The following UBTD1 variants were observed in gnomAD, a reference collection of about 807,000 sequenced individuals.
UBTD1 encodes ubiquitin domain containing 1.
A neutral mutation model predicts 21.7 loss-of-function variants in UBTD1; 19 were observed. The observed-to-expected ratio is 0.87, with a 90% CI of 0.61 to 1.28. UBTD1 has a LOEUF of 1.28. Ranked by LOEUF, UBTD1 falls within the 50% of genes most tolerant of loss-of-function variation. The pLI is 0.00. For missense variants in UBTD1, 282 were observed against 315.1 expected, an observed-to-expected ratio of 0.89 and a Z score of 0.80; for synonymous variants, 116 against 135.1, an observed-to-expected ratio of 0.86 and a Z score of 0.98.
intron 1 of UBTD1, among the ~76,000 whole-genome samples, chr10:97,537,754 A>C (rs1446898645): frequency 6.6e-6 from 1 of 151,572 alleles, no homozygotes. Context: ...AGCTCCCTCC[A>C]TCCCCTGCAG....
intron 1 of UBTD1, among the ~76,000 whole-genome samples, chr10:97,528,088 ACCTC>A (rs2040499641): frequency 9.6e-6 from 1 of 103,704 alleles, no homozygotes; most frequent in African/African-American, 3.6e-5. Flanking sequence ...TGACTCCCCC[ACCTC>A]CCTCCCGGAC....
At chr10:97,544,807 A>ATAG (rs1175985826) in intron 1 of UBTD1, among the ~76,000 whole-genome samples, 1 of 152,132 alleles carries the variant, frequency 6.6e-6, no homozygotes, top group Non-Finnish European at 1.5e-5. Context: ...CCTGGGCAAC[A>ATAG]TAGTGAGACC....
In UBTD1 at chr10:97,499,028, C is replaced by T. The variant is rs971390997; in HGVS notation, c.-176C>T. On this transcript the variant is annotated 5_prime_UTR_variant, in exon 1 of 3. Coordinates refer to ENST00000370664, the MANE Select transcript of UBTD1 (RefSeq NM_024954.5). ...TGGGGAGTCTGCCACTTCCCTCTCT[C>T]CCCTGGCCCGCAAAGTTTTGGCGGA... is the stretch of plus-strand genomic sequence containing the variant. 1.4e-5 allele frequency: 10 copies of T among 698,342 alleles called. No homozygotes were observed. In the South Asian group the frequency reaches 1.4e-4, roughly 10 times the overall value. 43.3% of individuals were successfully genotyped at this position (698,342 alleles called of 1,614,324 possible).
chr10:97,536,314 C>T (rs555259866), intron 1 of UBTD1, among the ~76,000 whole-genome samples: 62 of 152,180 alleles, frequency 4.1e-4, no homozygotes, highest in African/African-American at 1.4e-3. Flanking sequence ...CTTTAGAGAC[C>T]TGAGTGAGGT....
At chr10:97,541,958 A>T (rs1342022560) in intron 1 of UBTD1, among the ~76,000 whole-genome samples, 3 of 151,532 alleles carry the variant, frequency 2.0e-5, no homozygotes, top group Non-Finnish European at 4.4e-5. Flanking sequence ...CTGGTCTCGA[A>T]CTCCTGACCT....
chr10:97,537,580 C>T (rs1346449903), intron 1 of UBTD1, among the ~76,000 whole-genome samples: 1 of 152,166 alleles, frequency 6.6e-6, no homozygotes, highest in Non-Finnish European at 1.5e-5. Context: ...CAAAGCAGGG[C>T]AGGTCACTGT....
chr10:97,523,913 C>T (rs1258420660), intron 1 of UBTD1, among the ~76,000 whole-genome samples: 1 of 152,078 alleles, frequency 6.6e-6, no homozygotes, highest in Non-Finnish European at 1.5e-5. Context: ...GCCCCTTCCC[C>T]ATTTACTGTT....
At chr10:97,513,150 A>G (rs947327367) in intron 1 of UBTD1, among the ~76,000 whole-genome samples, 1 of 152,232 alleles carries the variant, frequency 6.6e-6, no homozygotes, top group Non-Finnish European at 1.5e-5. Flanking sequence ...TGGTGCTGGT[A>G]TCCGATCCAG....
At chr10:97,568,548 A>G (rs969177397) in intron 2 of UBTD1, among the ~76,000 whole-genome samples, 16 of 151,718 alleles carry the variant, frequency 1.1e-4, no homozygotes, top group Non-Finnish European at 1.8e-4. Context: ...CAGCCTCCTG[A>G]GTAGCTGGGA....
intron 1 of UBTD1, among the ~76,000 whole-genome samples, chr10:97,547,364 A>G (rs2040615877): frequency 6.6e-6 from 1 of 151,932 alleles, no homozygotes; most frequent in African/African-American, 2.4e-5. Context: ...ACCTCTGGGG[A>G]GTTCCTGTTT....
At chr10:97,506,754 A>G (rs372278545) in intron 1 of UBTD1, among the ~76,000 whole-genome samples, 31 of 152,174 alleles carry the variant, frequency 2.0e-4, no homozygotes, top group African/African-American at 7.0e-4. Context: ...GAGTGGAATC[A>G]TGTAGTATTT....
At chr10:97,561,549 T>TG (rs1199157151) in intron 1 of UBTD1, among the ~76,000 whole-genome samples, 1 of 152,110 alleles carries the variant, frequency 6.6e-6, no homozygotes, top group African/African-American at 2.4e-5. Flanking sequence ...CATGCACCGG[T>TG]GGTCAGAGAG....
At chr10:97,507,875 G>A (rs2040406043) in intron 1 of UBTD1, among the ~76,000 whole-genome samples, 1 of 151,724 alleles carries the variant, frequency 6.6e-6, no homozygotes. Flanking sequence ...GGACAGGGAT[G>A]ACTCCTCGTT....
intron 1 of UBTD1, among the ~76,000 whole-genome samples, chr10:97,507,846 G>A (rs1484374129): frequency 3.3e-5 from 5 of 151,862 alleles, no homozygotes; most frequent in South Asian, 4.2e-4. Context: ...TCTGCAAGGT[G>A]TGGGGAGGGA....
At chr10:97,557,205 T>C (rs2040668475) in intron 1 of UBTD1, among the ~76,000 whole-genome samples, 1 of 152,222 alleles carries the variant, frequency 6.6e-6, no homozygotes, top group South Asian at 2.1e-4. Context: ...TTTTAGTTTT[T>C]CCTGGAATCT....
At chr10:97,525,488 G>T (rs948048440) in intron 1 of UBTD1, among the ~76,000 whole-genome samples, 6 of 152,190 alleles carry the variant, frequency 3.9e-5, no homozygotes, top group African/African-American at 1.4e-4. Flanking sequence ...CTTCGGGAGA[G>T]AAAACCAATA....
chr10:97,569,750 G>A (rs2040735868), intron 2 of UBTD1, among the ~76,000 whole-genome samples: 1 of 152,080 alleles, frequency 6.6e-6, no homozygotes, highest in Admixed American at 6.6e-5. Context: ...CTCACATGGG[G>A]AGCGAGTGGA....
At chr10:97,567,889 G>C (rs2040725439) in intron 1 of UBTD1, 25 bp from the exon 2 acceptor site, 1 of 1,612,536 alleles carries the variant, frequency 6.2e-7, no homozygotes, top group Non-Finnish European at 8.5e-7. Flanking sequence ...TAGAGATGCT[G>C]AGCCTCTCCT....
chr10:97,507,285 G>A (rs2040403200), intron 1 of UBTD1, among the ~76,000 whole-genome samples: 1 of 152,020 alleles, frequency 6.6e-6, no homozygotes, highest in South Asian at 2.1e-4. Context: ...CATTTATGCT[G>A]GGCTCAAAGA....
Sources: gnomAD v4.1 joint callset for allele counts (sites outside exome capture counted in the v4.1 genomes callset) on GRCh38, gnomAD v4.1.1 for gene constraint, MANE v1.5 for transcripts, NCBI Gene and HGNC (gene_info 2026-07-23, HGNC 2026-07-21) for gene names.